PTPRA: variants seen among roughly 807,000 people sequenced by gnomAD.
PTPRA encodes receptor-type tyrosine-protein phosphatase alpha.
Under a neutral mutation model 104.8 loss-of-function variants are expected in PTPRA, and 25 were observed. The ratio of observed to expected loss-of-function variants is 0.24; its 90% CI spans 0.17 to 0.33. PTPRA has a LOEUF of 0.33. PTPRA is among the 10% of genes least tolerant of loss of function. The pLI, the probability that PTPRA is intolerant of heterozygous loss-of-function variation, is 1.00. For missense variants in PTPRA, 765 were observed against 1,015.3 expected, an observed-to-expected ratio of 0.75 and a Z score of 3.35; for synonymous variants, 323 against 368.9, an observed-to-expected ratio of 0.88 and a Z score of 1.43.
chr20:2,975,002 A>G (rs2148025095), intron 5 of PTPRA, among the ~76,000 whole-genome samples: 1 of 152,318 alleles, frequency 6.6e-6, no homozygotes, highest in Admixed American at 6.5e-5. Flanking sequence ...CTTTTTATGA[A>G]TATTGATGCT....
chr20:3,028,097 C>T (rs538133937), intron 20 of PTPRA, among the ~76,000 whole-genome samples: 5 of 152,286 alleles, frequency 3.3e-5, no homozygotes, highest in Admixed American at 6.5e-5. Flanking sequence ...TGATCTGAGC[C>T]TCCATGTTAT....
chr20:2,993,461 G>A (rs1202787037), intron 9 of PTPRA, among the ~76,000 whole-genome samples: 2 of 152,172 alleles, frequency 1.3e-5, no homozygotes, highest in Admixed American at 1.3e-4. Context: ...AAATCTTGAT[G>A]AACCAGATCA....
chr20:2,926,628 C>T (rs888674346), intron 2 of PTPRA, among the ~76,000 whole-genome samples: 2 of 151,982 alleles, frequency 1.3e-5, no homozygotes, highest in African/African-American at 4.8e-5. Context: ...GGTGACAGAA[C>T]AAATCTCTGT....
intron 1 of PTPRA, among the ~76,000 whole-genome samples, chr20:2,898,136 G>A (rs1189895891): frequency 2.6e-5 from 4 of 151,332 alleles, no homozygotes; most frequent in Admixed American, 1.3e-4. Flanking sequence ...TTGCTCCGTC[G>A]CCCAGGCTGG....
chr20:2,941,973 T>C (rs1052503965), intron 2 of PTPRA, among the ~76,000 whole-genome samples: 5 of 152,204 alleles, frequency 3.3e-5, no homozygotes, highest in African/African-American at 1.2e-4. Flanking sequence ...GTGATTTGTT[T>C]AATGTCAGTT....
intron 1 of PTPRA, among the ~76,000 whole-genome samples, chr20:2,901,785 A>G (rs771438733): frequency 5.9e-5 from 9 of 152,190 alleles, no homozygotes; most frequent in Non-Finnish European, 1.2e-4. Flanking sequence ...AGGTGTTAGC[A>G]TGCAATTGAA....
At chr20:3,029,676 A>G (rs1298241502) in intron 20 of PTPRA, among the ~76,000 whole-genome samples, 1 of 151,304 alleles carries the variant, frequency 6.6e-6, no homozygotes, top group East Asian at 1.9e-4. Flanking sequence ...AACTGGGATT[A>G]AAGACACCCA....
At chr20:2,865,751 G>C in the PTPRA span, among the ~76,000 whole-genome samples, 1 of 152,016 alleles carries the variant, frequency 6.6e-6, no homozygotes, top group Non-Finnish European at 1.5e-5. This position sits in a 1 kb window ranked among gnomAD's most constrained non-coding sequence, Gnocchi z 5.2. Flanking sequence ...GGGCCACAGG[G>C]GGCACTATGT....
intron 9 of PTPRA, among the ~76,000 whole-genome samples, chr20:3,004,308 T>A (rs955616987): frequency 1.3e-5 from 2 of 152,134 alleles, no homozygotes; most frequent in Non-Finnish European, 1.5e-5. Flanking sequence ...GTGAGCCACT[T>A]CACCCGGCCC....
intron 6 of PTPRA, among the ~76,000 whole-genome samples, chr20:2,985,739 A>G (rs1447295174): frequency 6.6e-6 from 1 of 152,202 alleles, no homozygotes; most frequent in Non-Finnish European, 1.5e-5. Context: ...CAGTTTTGTT[A>G]CATGGTGGCT....
At chr20:2,956,709 T>C (rs1408433335) in intron 3 of PTPRA, among the ~76,000 whole-genome samples, 1 of 152,126 alleles carries the variant, frequency 6.6e-6, no homozygotes, top group Non-Finnish European at 1.5e-5. Context: ...AGCCATAATT[T>C]ATTTAATCAT....
intron 6 of PTPRA, among the ~76,000 whole-genome samples, chr20:2,979,751 C>G (rs1374588547): frequency 3.3e-5 from 5 of 152,152 alleles, no homozygotes; most frequent in Non-Finnish European, 7.3e-5. Context: ...GCTAAGTTGC[C>G]CAGGCTGGTC....
At chr20:2,905,921 G>C (rs576685777) in intron 1 of PTPRA, among the ~76,000 whole-genome samples, 3 of 151,852 alleles carry the variant, frequency 2.0e-5, no homozygotes, top group African/African-American at 7.2e-5. Flanking sequence ...CCTGACCTCA[G>C]GTGATCCACC....
Position 3,005,045 on chromosome 20 carries a change from T to A in PTPRA, c.739-11T>A. 1 of 1,584,498 alleles carries A rather than the reference T, an allele frequency of 6.3e-7. No individual in the cohort carries two copies. On this transcript the variant is annotated splice_polypyrimidine_tract_variant and intron_variant, in intron 9 of 23. Coordinates refer to ENST00000399903, the MANE Select transcript of PTPRA (RefSeq NM_001385305.1). ...TGCTAATAATTCCTCTAATTTCTCTTAACCTTTCAGGCTCTCCCTGCATGT... is the reference window on the plus strand; with the variant it reads ...TGCTAATAATTCCTCTAATTTCTCTAAACCTTTCAGGCTCTCCCTGCATGT...
chr20:2,960,460 A>G (rs1175233978), intron 3 of PTPRA, among the ~76,000 whole-genome samples: 1 of 152,062 alleles, frequency 6.6e-6, no homozygotes, highest in East Asian at 1.9e-4. Context: ...CATGTTAGCC[A>G]GGATGGTCTC....
At chr20:2,993,682 T>C (rs1195767027) in intron 9 of PTPRA, among the ~76,000 whole-genome samples, 2 of 152,210 alleles carry the variant, frequency 1.3e-5, no homozygotes, top group Admixed American at 1.3e-4. Flanking sequence ...GCACTTAAGA[T>C]CCTGCGGTTC....
chr20:3,023,408 C>T (rs576893063), intron 16 of PTPRA, among the ~76,000 whole-genome samples: 1 of 152,268 alleles, frequency 6.6e-6, no homozygotes, highest in East Asian at 1.9e-4. Context: ...CTGTCTCCTG[C>T]TCGTCCCTGG....
At chr20:2,886,586 T>A (rs2090397031) in intron 1 of PTPRA, among the ~76,000 whole-genome samples, 1 of 151,910 alleles carries the variant, frequency 6.6e-6, no homozygotes, top group African/African-American at 2.4e-5. Context: ...GACTCACACC[T>A]GTAATCCCAG....
At position 2,950,799 on chromosome 20, in the gene PTPRA, C is replaced by A. The variant is rs1301383137; in HGVS notation, c.-7+2775C>A. ...GATTATTCCTATAATTCTTAAACAA[C>A]TTTATAATTGATGTAACAATAACCT... On this transcript the variant is annotated intron_variant, in intron 3 of 23. Coordinates refer to ENST00000399903, the MANE Select transcript of PTPRA (RefSeq NM_001385305.1). This position sits in a 1 kb window ranked among gnomAD's most constrained non-coding sequence, Gnocchi z 4.0. Among the ~76,000 whole-genome samples the A allele has an allele frequency of 6.6e-6, 1 of 152,000 alleles. No homozygotes were observed. Among genetic ancestry groups the A allele is most frequent in the Non-Finnish European group, 1.5e-5 (1 of 67,990 alleles).
Sources: gnomAD v4.1 joint callset for allele counts (sites outside exome capture counted in the v4.1 genomes callset) on GRCh38, gnomAD v4.1.1 for gene constraint, Gnocchi (gnomAD v3.1) non-coding constraint, MANE v1.5 for transcripts, NCBI Gene and HGNC (gene_info 2026-07-23, HGNC 2026-07-21) for gene names.